DIP2B: variants seen among roughly 807,000 people sequenced by gnomAD.
DIP2B encodes disco-interacting protein 2 homolog B.
A neutral mutation model predicts 198.0 loss-of-function variants in DIP2B; 76 were observed. The ratio of observed to expected loss-of-function variants is 0.38; its 90% CI spans 0.32 to 0.46. DIP2B has a LOEUF of 0.46. DIP2B is among the 20% of genes least tolerant of loss of function. DIP2B has a pLI of 0.99. For synonymous variants in DIP2B, 701 were observed against 739.1 expected (o/e 0.95, Z 0.84); for missense variants, 1,559 against 1,978.4 (o/e 0.79, Z 4.02).
chr12:50,699,991 A>G (rs1460040956), intron 19 of DIP2B, among the ~76,000 whole-genome samples: 3 of 152,172 alleles, frequency 2.0e-5, no homozygotes, highest in African/African-American at 7.2e-5. Flanking sequence ...TTCGAGAGTA[A>G]ACTCCAATTA....
At chr12:50,519,189 C>G (rs1369456320) in intron 1 of DIP2B, among the ~76,000 whole-genome samples, 1 of 152,216 alleles carries the variant, frequency 6.6e-6, no homozygotes, top group East Asian at 1.9e-4. Context: ...GGGGTTAACA[C>G]TCTGTAGATT....
At chr12:50,696,949 C>A in intron 16 of DIP2B, 112 bp from the exon 17 acceptor site, 1 of 745,504 alleles carries the variant, frequency 1.3e-6, no homozygotes, top group Non-Finnish European at 2.2e-6. Context: ...TAACAATATA[C>A]AATATGAGTT....
chr12:50,677,683 A>G (rs978817422), intron 7 of DIP2B, among the ~76,000 whole-genome samples: 1 of 152,124 alleles, frequency 6.6e-6, no homozygotes, highest in African/African-American at 2.4e-5. Flanking sequence ...TGTTCATTTT[A>G]GAAATTAAGA....
chr12:50,558,840 C>T (rs1430678304), intron 1 of DIP2B, among the ~76,000 whole-genome samples: 4 of 152,112 alleles, frequency 2.6e-5, no homozygotes, highest in Admixed American at 6.5e-5. Flanking sequence ...TGCACCAGTT[C>T]CCTCTGGAAA....
chr12:50,587,361 C>G (rs547654222), intron 1 of DIP2B, among the ~76,000 whole-genome samples: 1 of 152,268 alleles, frequency 6.6e-6, no homozygotes, highest in East Asian at 1.9e-4. Flanking sequence ...CCCTCACTTG[C>G]TATATGGACC....
At chr12:50,708,006 T>G (rs1939545340) in intron 21 of DIP2B, among the ~76,000 whole-genome samples, 1 of 152,124 alleles carries the variant, frequency 6.6e-6, no homozygotes, top group African/African-American at 2.4e-5. Context: ...CGGAAACCTC[T>G]TCCTCCAGAT....
chr12:50,630,871 A>G (rs893015555), intron 2 of DIP2B, among the ~76,000 whole-genome samples: 2 of 151,784 alleles, frequency 1.3e-5, no homozygotes, highest in African/African-American at 4.8e-5. Context: ...GGATTTCTCC[A>G]TGTTCATCAG....
chr12:50,611,111 T>G (rs1406978653), intron 1 of DIP2B, among the ~76,000 whole-genome samples: 1 of 152,144 alleles, frequency 6.6e-6, no homozygotes, highest in African/African-American at 2.4e-5. Context: ...GTAAATATCT[T>G]TAGGGGGATA....
chr12:50,708,393 A>G (rs2139570001), intron 21 of DIP2B, 55 bp from the exon 22 acceptor site: 1 of 1,504,534 alleles, frequency 6.6e-7, no homozygotes, highest in Non-Finnish European at 9.1e-7. Flanking sequence ...GTTAAACAAA[A>G]CAAATAGGAC....
intron 33 of DIP2B, 94 bp downstream of exon 33, chr12:50,734,290 T>C: frequency 7.7e-7 from 1 of 1,293,174 alleles, no homozygotes; most frequent in Non-Finnish European, 1.1e-6. Context: ...TTCCTTTTGT[T>C]CATATATTCC....
intron 4 of DIP2B, among the ~76,000 whole-genome samples, chr12:50,661,301 A>C (rs967565441): frequency 3.9e-5 from 6 of 152,148 alleles, no homozygotes; most frequent in African/African-American, 1.4e-4. Context: ...AAACTACTTA[A>C]TACGTCTTTG....
At chr12:50,735,169 T>C (rs2139601786) in intron 34 of DIP2B, 39 bp downstream of exon 34, 2 of 1,610,218 alleles carry the variant, frequency 1.2e-6, no homozygotes, top group East Asian at 2.2e-5. Context: ...GTGGGCTGTG[T>C]GGAGAAGTGG....
At chr12:50,658,356 T>C (rs1048777976) in intron 3 of DIP2B, among the ~76,000 whole-genome samples, 1 of 152,208 alleles carries the variant, frequency 6.6e-6, no homozygotes, top group South Asian at 2.1e-4. Context: ...AGGCTGGTCT[T>C]GAACTCCTGA....
At chr12:50,561,731 C>T (rs1958520793) in intron 1 of DIP2B, among the ~76,000 whole-genome samples, 1 of 152,182 alleles carries the variant, frequency 6.6e-6, no homozygotes, top group South Asian at 2.1e-4. Flanking sequence ...CCTCAGCCTC[C>T]TGAGTAGCTG....
At chr12:50,519,133 T>C (rs965596816) in intron 1 of DIP2B, among the ~76,000 whole-genome samples, 2 of 152,190 alleles carry the variant, frequency 1.3e-5, no homozygotes, top group Non-Finnish European at 2.9e-5. Context: ...GAAAAAGGTA[T>C]AGGGGTGTAA....
chr12:50,688,703 A>C (rs1288555719), intron 12 of DIP2B, among the ~76,000 whole-genome samples: 1 of 152,224 alleles, frequency 6.6e-6, no homozygotes, highest in Non-Finnish European at 1.5e-5. Context: ...TTTAGTGATC[A>C]GCTCTCAATC....
At chr12:50,551,455 G>A (rs1262509667) in intron 1 of DIP2B, among the ~76,000 whole-genome samples, 1 of 152,082 alleles carries the variant, frequency 6.6e-6, no homozygotes, top group Non-Finnish European at 1.5e-5. Flanking sequence ...GTGTATGTGT[G>A]TATTTTGAGA....
At chr12:50,693,116 T>C in intron 14 of DIP2B, 103 bp downstream of exon 14, 1 of 1,141,726 alleles carries the variant, frequency 8.8e-7, no homozygotes. Context: ...GAAATTTAAA[T>C]CCCCAAAAGG....
chr12:50,547,876 T>G (rs1958391379), intron 1 of DIP2B, among the ~76,000 whole-genome samples: 4 of 151,990 alleles, frequency 2.6e-5, no homozygotes, highest in Admixed American at 2.6e-4. Flanking sequence ...CGAGACCAAC[T>G]TGGGCAATGT....
Sources: allele counts gnomAD v4.1 joint callset (sites outside exome capture counted in the v4.1 genomes callset), GRCh38; gene constraint gnomAD v4.1.1; transcripts MANE v1.5; gene names NCBI Gene and HGNC (gene_info 2026-07-23, HGNC 2026-07-21).